Variants in BRWD1 observed in about 807,000 individuals in gnomAD.
BRWD1 encodes the protein bromodomain and WD repeat-containing protein 1.
In BRWD1, 82 loss-of-function variants were observed where a neutral mutation model predicts 251.2. That is an observed-to-expected ratio of 0.33 (90% confidence interval 0.27 to 0.39). The LOEUF (loss-of-function observed/expected upper bound fraction) is 0.39, where lower values mean the gene tolerates loss of function less well. BRWD1 is among the 10% of genes least tolerant of loss of function. BRWD1 has a pLI of 1.00. For synonymous variants in BRWD1, 918 were observed against 902.8 expected (o/e 1.02, Z -0.30); for missense variants, 2,233 against 2,711.6 (o/e 0.82, Z 3.92).
In BRWD1 at chr21:39,192,618, GATAA is replaced by G. The variant is rs2031610428; in HGVS notation, c.*3637_*3640del. ...ATTTGGTGACAACTGCAAGATACCTGATAAATAAATATATCAACTTACTATTCAT... is the reference window on the plus strand; with the variant it reads ...ATTTGGTGACAACTGCAAGATACCTGATAAATATATCAACTTACTATTCAT... On this transcript the variant is annotated 3_prime_UTR_variant, in exon 41 of 41. Coordinates refer to ENST00000342449, the MANE Select transcript of BRWD1 (RefSeq NM_033656.4). The G allele has an allele frequency of 5.1e-6, 5 of 983,870 alleles. No homozygotes were observed. In the African/African-American group the frequency reaches 5.3e-5, roughly 10 times the overall value. The allele number at this position is 983,870 out of a possible 1,614,324, so 60.9% of individuals were successfully genotyped here. A position where few individuals can be genotyped will look rare whatever the true frequency, so the allele number is the denominator to read the frequency against.
At position 39,215,356 on chromosome 21, in the gene BRWD1, C is replaced by A; in HGVS notation, c.3666G>T (p.Leu1222=). The change falls in exon 32 of 41, where the codon CTG becomes CTT. Residue 1222 remains leucine (L), a synonymous_variant. Transcript: ENST00000342449. ...MRLVNRFYRR[L]SALVWEVRYI... ...ATCTGACTTCCCAAACTAACGCAGA[C>A]AGCCTCCTTCAAAATAAAGTAGACA... 1 of 1,612,786 alleles carries A rather than the reference C, an allele frequency of 6.2e-7. No homozygotes were observed. The highest frequency in any genetic ancestry group is 8.5e-7 in the Non-Finnish European group (1 of 1,179,282).
At chr21:39,208,876 T>C (rs1439649855) in intron 36 of BRWD1, among the ~76,000 whole-genome samples, 2 of 151,912 alleles carry the variant, frequency 1.3e-5, no homozygotes, top group Admixed American at 1.3e-4. Flanking sequence ...AGTTACCCAA[T>C]GTGTAACATG....
intron 4 of BRWD1, among the ~76,000 whole-genome samples, chr21:39,308,340 G>A (rs1240271423): frequency 2.0e-5 from 3 of 152,088 alleles, no homozygotes; most frequent in Non-Finnish European, 4.4e-5. Flanking sequence ...AAAGTAGCCA[G>A]GCATAGTGGT....
chr21:39,288,054 C>T (rs924627823), intron 8 of BRWD1, among the ~76,000 whole-genome samples: 4 of 152,096 alleles, frequency 2.6e-5, no homozygotes, highest in African/African-American at 9.7e-5. Context: ...GTCAAGATGT[C>T]GACCTGAGCC....
At position 39,192,874 on chromosome 21, in the gene BRWD1, C is replaced by T. The variant is rs2031623939; in HGVS notation, c.*3385G>A. ...TGTACTAACAGAAAATATTAAAATT[C>T]TTCCTATTTTTAATATCAAACAGGG... On this transcript the variant is annotated 3_prime_UTR_variant, in exon 41 of 41. Coordinates refer to ENST00000342449, the MANE Select transcript of BRWD1 (RefSeq NM_033656.4). 1.1e-6 allele frequency: 1 copy of T among 882,580 alleles called. No individual in the cohort carries two copies. Among genetic ancestry groups the T allele is most frequent in the Non-Finnish European group, 1.3e-6 (1 of 743,896 alleles). 54.7% of individuals were successfully genotyped at this position (882,580 alleles called of 1,614,324 possible).
rs926696658 is a variant in BRWD1, at chr21:39,313,515, G to GGAGCGAGC, written c.-32_-25dup. On this transcript the variant is annotated 5_prime_UTR_variant, in exon 1 of 41. Transcript: ENST00000342449. ...ATGGCCGGGCGCGGGGCGGGAGGCG[G>GGAGCGAGC]GAGCGAGCGAGCGAGCGGAGCGTGT... 2.5e-5 allele frequency: 33 copies of GGAGCGAGC among 1,329,764 alleles called. No individual in the cohort carries two copies. The highest frequency in any genetic ancestry group is 8.4e-5 in the Admixed American group (2 of 23,890). The allele number at this position is 1,329,764 out of a possible 1,614,324, so 82.4% of individuals were successfully genotyped here. A position where few individuals can be genotyped will look rare whatever the true frequency, so the allele number is the denominator to read the frequency against.
chr21:39,302,804 A>G (rs2036162745), intron 4 of BRWD1, among the ~76,000 whole-genome samples: 1 of 151,768 alleles, frequency 6.6e-6, no homozygotes. Flanking sequence ...TCATGCCTGT[A>G]ATCCCAGCAC....
chr21:39,233,984 C>T (rs1247773007), intron 23 of BRWD1, among the ~76,000 whole-genome samples: 9 of 152,224 alleles, frequency 5.9e-5, no homozygotes, highest in African/African-American at 7.2e-5. Context: ...TGCCCCACTG[C>T]GCTCCAGCCT....
chr21:39,299,462 C>A lies in BRWD1; in HGVS notation c.199-880G>T, dbSNP rs1018037677. Reference sequence around the variant, plus strand: ...GTGCCAGGAGCCATAAGTGGATATACCTATGGATTACTATAGACAAATATA... The same window carrying A: ...GTGCCAGGAGCCATAAGTGGATATAACTATGGATTACTATAGACAAATATA... On this transcript the variant is annotated intron_variant, in intron 4 of 40. Coordinates refer to ENST00000342449, the MANE Select transcript of BRWD1 (RefSeq NM_033656.4). Among the ~76,000 whole-genome samples the A allele has an allele frequency of 5.9e-5, 9 of 152,060 alleles. No individual in the cohort carries two copies. The East Asian group carries it at 1.4e-3, about 23-fold the overall frequency.
At chr21:39,307,568 T>G (rs2036329572) in intron 4 of BRWD1, among the ~76,000 whole-genome samples, 1 of 152,194 alleles carries the variant, frequency 6.6e-6, no homozygotes, top group South Asian at 2.1e-4. Context: ...GGTTATGACT[T>G]AATTACCCAA....
chr21:39,320,346 TC>T (rs1241162532), intron 1 of BRWD1, among the ~76,000 whole-genome samples: 1 of 152,164 alleles, frequency 6.6e-6, no homozygotes, highest in Non-Finnish European at 1.5e-5. Context: ...CCCTTTTTTT[TC>T]TTGTTGAAAC....
rs1601304593 is a variant in BRWD1 at position 39,218,449 on chromosome 21, C to T, written c.3538+56G>A. The T allele has an allele frequency of 2.3e-5, 34 of 1,488,174 alleles. No homozygotes were observed. The East Asian group carries it at 6.7e-4, about 30-fold the overall frequency. The allele number at this position is 1,488,174 out of a possible 1,614,324, so 92.2% of individuals were successfully genotyped here. ...TCAATTATGCTAGTATTTTTAAATA[C>T]CTTTATGAAAAAAATTGAAAAAAAA... On this transcript the variant is annotated intron_variant, in intron 30 of 40. Coordinates refer to ENST00000342449, the MANE Select transcript of BRWD1 (RefSeq NM_033656.4).
chr21:39,320,759 C>T (rs1326759519), intron 1 of BRWD1, among the ~76,000 whole-genome samples: 1 of 150,492 alleles, frequency 6.6e-6, no homozygotes, highest in Non-Finnish European at 1.5e-5. Context: ...CACCCTCCGC[C>T]TCCCAGGTTC....
At chr21:39,209,742 C>A (rs776795748) in intron 36 of BRWD1, 40 of 303,450 alleles carry the variant, frequency 1.3e-4, no homozygotes, top group Non-Finnish European at 2.4e-4. Context: ...ATGCCTACTC[C>A]CATTAATCCC....
rs552740184 is a variant in BRWD1 at position 39,289,670 on chromosome 21, T to C, written c.831+4141A>G. Among the ~76,000 whole-genome samples the C allele has an allele frequency of 2.1e-4, 32 of 152,172 alleles. No homozygotes were observed. In the East Asian group the frequency reaches 6.2e-3, roughly 29 times the overall value. ...GGTTCAGAATTATTGACTGGCATTT[T>C]CTATTAGCAATTTAAAAATATTACT... is the stretch of plus-strand genomic sequence containing the variant. On this transcript the variant is annotated intron_variant, in intron 8 of 40. Transcript: ENST00000342449.
chr21:39,230,547 C>T (rs577644568), intron 25 of BRWD1, among the ~76,000 whole-genome samples: 8 of 152,206 alleles, frequency 5.3e-5, no homozygotes, highest in South Asian at 2.1e-4. Context: ...TGGTTTTATG[C>T]GTGTTTCCGT....
Position 39,218,667 on chromosome 21 carries a change from A to G in BRWD1, c.3383-7T>C, listed in dbSNP as rs2033049679. The G allele has an allele frequency of 6.3e-7, 1 of 1,575,970 alleles. No individual in the cohort carries two copies. Among genetic ancestry groups the G allele is most frequent in the African/African-American group, 1.4e-5 (1 of 72,990 alleles). ...AATTCTTCAGGTGGATCAACTATGA[A>G]TACCATAAAAAACAATGAGAGGAAG... On this transcript the variant is annotated splice_region_variant and splice_polypyrimidine_tract_variant and intron_variant, in intron 29 of 40. Coordinates refer to ENST00000342449, the MANE Select transcript of BRWD1 (RefSeq NM_033656.4).
At chr21:39,297,844 T>C in intron 5 of BRWD1, 1 of 963,478 alleles carries the variant, frequency 1.0e-6, no homozygotes, top group Non-Finnish European at 1.2e-6. Flanking sequence ...ACACATATAT[T>C]ATATCACATA....
chr21:39,228,439 G>T lies in BRWD1; in HGVS notation c.3208+61C>A, dbSNP rs190367437. On this transcript the variant is annotated intron_variant, in intron 27 of 40. Coordinates refer to ENST00000342449, the MANE Select transcript of BRWD1 (RefSeq NM_033656.4). ...AATTAAGAGTCCCACAGCCAAAAAG[G>T]TAGACCAATAAAACAGATTAATTTT... 282 of 1,164,130 alleles carry T rather than the reference G, an allele frequency of 2.4e-4. 1 individual carries two copies. The African/African-American group carries it at 3.6e-3, about 15-fold the overall frequency. The allele number at this position is 1,164,130 out of a possible 1,614,324, so 72.1% of individuals were successfully genotyped here.
Sources: allele counts gnomAD v4.1 joint callset (sites outside exome capture counted in the v4.1 genomes callset), GRCh38; gene constraint gnomAD v4.1.1; transcripts MANE v1.5; gene names NCBI Gene and HGNC (gene_info 2026-07-23, HGNC 2026-07-21).